Variants in CREB5 observed in about 807,000 individuals in gnomAD.
CREB5 encodes cAMP responsive element binding protein 5, also known as cyclic AMP-responsive element-binding protein 5.
Under a neutral mutation model 57.1 loss-of-function variants are expected in CREB5, and 19 were observed. The ratio of observed to expected loss-of-function variants is 0.33; its 90% CI spans 0.23 to 0.49. The LOEUF (loss-of-function observed/expected upper bound fraction) is 0.49, where lower values mean the gene tolerates loss of function less well. CREB5 is among the 20% of genes least tolerant of loss of function. CREB5 has a pLI of 0.99. For synonymous variants in CREB5, 238 were observed against 238.3 expected, an observed-to-expected ratio of 1.00 and a Z score of 0.01; for missense variants, 579 against 671.6, an observed-to-expected ratio of 0.86 and a Z score of 1.52.
intron 1 of CREB5, among the ~76,000 whole-genome samples, chr7:28,349,021 T>G (rs1366282006): frequency 1.3e-5 from 2 of 152,230 alleles, no homozygotes; most frequent in Non-Finnish European, 2.9e-5. Context: ...AGACAAACGT[T>G]GCCAGGTGCA....
intron 5 of CREB5, among the ~76,000 whole-genome samples, chr7:28,611,232 C>T (rs1487223035): frequency 1.3e-5 from 2 of 151,840 alleles, no homozygotes; most frequent in Non-Finnish European, 2.9e-5. Context: ...ATTGAAGGTC[C>T]CAGAGCTCAT....
At chr7:28,358,795 C>CCT (rs1786399650) in intron 1 of CREB5, among the ~76,000 whole-genome samples, 1 of 152,166 alleles carries the variant, frequency 6.6e-6, no homozygotes, top group Non-Finnish European at 1.5e-5. Flanking sequence ...TGAAACAATG[C>CCT]CTCAGCATGT....
At chr7:28,653,205 A>G (rs749994839) in intron 5 of CREB5, among the ~76,000 whole-genome samples, 3 of 152,318 alleles carry the variant, frequency 2.0e-5, no homozygotes, top group South Asian at 2.1e-4. Context: ...CCATAAATAA[A>G]TTATAGCTAC....
In CREB5 at chr7:28,530,640, G is replaced by A. The variant is rs150850361; in HGVS notation, c.291+22903G>A. Among the ~76,000 whole-genome samples the A allele has an allele frequency of 3.9e-5, 6 of 152,288 alleles. No homozygotes were observed. The East Asian group carries it at 9.6e-4, about 24-fold the overall frequency. Reference sequence around the variant, plus strand: ...CTATGCAAAATGGCCCTCCCTCTACGCTGCTGAAGAAAACTTTACCCTGGC... The same window carrying A: ...CTATGCAAAATGGCCCTCCCTCTACACTGCTGAAGAAAACTTTACCCTGGC... On this transcript the variant is annotated intron_variant, in intron 4 of 10. Transcript: ENST00000357727.
At chr7:28,399,657 T>G (rs1008795785) in intron 1 of CREB5, among the ~76,000 whole-genome samples, 14 of 152,132 alleles carry the variant, frequency 9.2e-5, no homozygotes, top group African/African-American at 3.1e-4. Flanking sequence ...GTCTCACACC[T>G]ATAATCCCAG....
At chr7:28,398,710 A>ATAT (rs1018271854) in intron 1 of CREB5, among the ~76,000 whole-genome samples, 1 of 152,074 alleles carries the variant, frequency 6.6e-6, no homozygotes, top group African/African-American at 2.4e-5. Flanking sequence ...CAGACAATTA[A>ATAT]TATTATTATT....
chr7:28,673,261 T>C (rs1042167198), intron 5 of CREB5, among the ~76,000 whole-genome samples: 1 of 152,234 alleles, frequency 6.6e-6, no homozygotes, highest in African/African-American at 2.4e-5. Context: ...ACACAATGGC[T>C]ATCATCACAC....
chr7:28,724,608 C>T (rs893949719), intron 7 of CREB5: 15 of 353,450 alleles, frequency 4.2e-5, no homozygotes, highest in Non-Finnish European at 6.3e-5. Flanking sequence ...AGGATATACC[C>T]AAGCGTGTAT....
At chr7:28,780,411 A>G (rs1273854785) in intron 7 of CREB5, among the ~76,000 whole-genome samples, 1 of 152,206 alleles carries the variant, frequency 6.6e-6, no homozygotes, top group South Asian at 2.1e-4. Flanking sequence ...CAACGTAATT[A>G]ATCCTATATT....
intron 7 of CREB5, among the ~76,000 whole-genome samples, chr7:28,786,334 C>T (rs1031389791): frequency 6.6e-6 from 1 of 152,134 alleles, no homozygotes; most frequent in East Asian, 1.9e-4. Flanking sequence ...GCAACCTCCG[C>T]CCCCTAGGTT....
chr7:28,549,408 G>T (rs1482106649), intron 4 of CREB5, among the ~76,000 whole-genome samples: 1 of 152,112 alleles, frequency 6.6e-6, no homozygotes, highest in Non-Finnish European at 1.5e-5. Context: ...TGAATGATTA[G>T]GTCCAACACT....
intron 5 of CREB5, among the ~76,000 whole-genome samples, chr7:28,653,689 G>T (rs143607479): frequency 2.0e-4 from 31 of 152,370 alleles, no homozygotes; most frequent in African/African-American, 7.5e-4. Flanking sequence ...ACCCAAAGAT[G>T]CACAGAAGCA....
At chr7:28,587,553 CTGGGGGTGGGGG>C (rs890277600) in intron 5 of CREB5, among the ~76,000 whole-genome samples, 1 of 32,944 alleles carries the variant, frequency 3.0e-5, no homozygotes, top group Non-Finnish European at 5.6e-5. Flanking sequence ...GTGGACTGGG[CTGGGGGTGGGGG>C]TGGGGGAGGA....
In CREB5 at chr7:28,398,134, C is replaced by T. The variant is rs950240620; in HGVS notation, c.-24-96772C>T. Reference sequence around the variant, plus strand: ...CTTCCTCTTGGATCTGGGATTTGAACTCATGAAACCTGAGATTAAAGCCCC... The same window carrying T: ...CTTCCTCTTGGATCTGGGATTTGAATTCATGAAACCTGAGATTAAAGCCCC... On this transcript the variant is annotated intron_variant, in intron 1 of 9. Coordinates refer to the CREB5 transcript ENST00000396299. Among the ~76,000 whole-genome samples the T allele has an allele frequency of 1.1e-4, 17 of 152,240 alleles. No homozygotes were observed. In the South Asian group the frequency reaches 3.3e-3, roughly 30 times the overall value.
chr7:28,363,035 C>T (rs1322775066), intron 1 of CREB5, among the ~76,000 whole-genome samples: 1 of 152,074 alleles, frequency 6.6e-6, no homozygotes, highest in Non-Finnish European at 1.5e-5. Flanking sequence ...TAAGATTGTG[C>T]TAAGTATAAG....
intron 4 of CREB5, among the ~76,000 whole-genome samples, chr7:28,545,537 T>C (rs1794379925): frequency 6.6e-6 from 1 of 152,232 alleles, no homozygotes; most frequent in Non-Finnish European, 1.5e-5. Context: ...CATTTTGTTG[T>C]TCATGCTATT....
intron 5 of CREB5, among the ~76,000 whole-genome samples, chr7:28,633,214 T>C (rs1798271109): frequency 6.6e-6 from 1 of 152,202 alleles, no homozygotes; most frequent in Admixed American, 6.5e-5. Flanking sequence ...TCAAACAGAC[T>C]GGTTGGCTAT....
At chr7:28,576,811 C>T (rs1795926651) in intron 5 of CREB5, among the ~76,000 whole-genome samples, 1 of 152,200 alleles carries the variant, frequency 6.6e-6, no homozygotes, top group African/African-American at 2.4e-5. Context: ...AACTTCTACA[C>T]AGAACCTGGC....
At chr7:28,769,964 G>A (rs1264924419) in intron 7 of CREB5, among the ~76,000 whole-genome samples, 2 of 152,206 alleles carry the variant, frequency 1.3e-5, no homozygotes, top group African/African-American at 2.4e-5. Flanking sequence ...AAACTGGGAT[G>A]GTTCTTGGCA....
Sources: gnomAD v4.1 joint callset for allele counts (sites outside exome capture counted in the v4.1 genomes callset) on GRCh38, gnomAD v4.1.1 for gene constraint, MANE v1.5 for transcripts, NCBI Gene and HGNC (gene_info 2026-07-23, HGNC 2026-07-21) for gene names.